The following NELL2 variants were observed in gnomAD, a reference collection of about 807,000 sequenced individuals.
The protein encoded by NELL2 is neural EGFL like 2.
In NELL2, 41 loss-of-function variants were observed where a neutral mutation model predicts 109.6. The observed-to-expected ratio is 0.37, with a 90% CI of 0.29 to 0.49. The LOEUF is 0.49. Ranked by LOEUF, NELL2 falls within the 20% of genes least tolerant of loss-of-function variation. The pLI is 0.98. For missense variants in NELL2, 900 were observed against 1,008.3 expected (o/e 0.89, Z 1.45); for synonymous variants, 355 against 344.7 (o/e 1.03, Z -0.33).
intron 9 of NELL2, among the ~76,000 whole-genome samples, chr12:44,729,188 C>T (rs914554602): frequency 3.9e-5 from 6 of 151,960 alleles, no homozygotes; most frequent in Non-Finnish European, 8.8e-5. Context: ...AATGGACATG[C>T]CACCTAAAAA....
chr12:44,644,349 C>G (rs747388134), intron 13 of NELL2, among the ~76,000 whole-genome samples: 2 of 151,584 alleles, frequency 1.3e-5, no homozygotes, highest in African/African-American at 2.4e-5. Context: ...AAATTCTAGG[C>G]AAGGTAACGA....
chr12:44,550,963 A>G (rs1203556787), intron 15 of NELL2, among the ~76,000 whole-genome samples: 1 of 152,172 alleles, frequency 6.6e-6, no homozygotes, highest in Non-Finnish European at 1.5e-5. Context: ...ATCTACAGCT[A>G]ACAATACTCT....
rs546732965 is a variant in NELL2, at chr12:44,678,313, C to T, written c.1319-12704G>A. 7.2e-5 allele frequency among the ~76,000 whole-genome samples: 11 copies of T among 152,168 alleles called. No individual in the cohort carries two copies. The East Asian group carries it at 2.1e-3, about 29-fold the overall frequency. On this transcript the variant is annotated intron_variant, in intron 12 of 19. Transcript: ENST00000429094. ...GTCCTTAGAAACTAGTGACCTGGTACTACCAAATGGGAGCACTCATGCAAA... is the reference window on the plus strand; with the variant it reads ...GTCCTTAGAAACTAGTGACCTGGTATTACCAAATGGGAGCACTCATGCAAA...
intron 15 of NELL2, among the ~76,000 whole-genome samples, chr12:44,544,700 G>A (rs956874517): frequency 3.0e-4 from 45 of 152,140 alleles, no homozygotes; most frequent in African/African-American, 1.0e-3. Flanking sequence ...TTTTAGAAAT[G>A]TTGAGTATAA....
At chr12:44,814,410 T>C (rs1256411252) in intron 3 of NELL2, among the ~76,000 whole-genome samples, 1 of 152,228 alleles carries the variant, frequency 6.6e-6, no homozygotes, top group African/African-American at 2.4e-5. Flanking sequence ...CTTTATTACA[T>C]GTGACTCTTG....
intron 2 of NELL2, among the ~76,000 whole-genome samples, chr12:44,829,514 A>G (rs1447354504): frequency 6.6e-6 from 1 of 152,186 alleles, no homozygotes; most frequent in East Asian, 1.9e-4. Flanking sequence ...AACCATCATA[A>G]TTTATAGAAT....
At chr12:44,586,303 TAC>T (rs200206949) in intron 15 of NELL2, among the ~76,000 whole-genome samples, 3 of 149,646 alleles carry the variant, frequency 2.0e-5, no homozygotes, top group Non-Finnish European at 3.0e-5. Flanking sequence ...TATAGATATA[TAC>T]ACACACACAT....
intron 16 of NELL2, among the ~76,000 whole-genome samples, chr12:44,530,872 CACCCAGCTAAGCTGTGCACAAA>C (rs1231132661): frequency 4.6e-5 from 7 of 152,186 alleles, no homozygotes; most frequent in Non-Finnish European, 7.3e-5. Context: ...GAACCGGAGC[CACCCAGCTAAGCTGTGCACAAA>C]TCCCTGACCC....
At chr12:44,625,017 T>C (rs1946198725) in intron 13 of NELL2, among the ~76,000 whole-genome samples, 1 of 145,652 alleles carries the variant, frequency 6.9e-6, no homozygotes, top group Non-Finnish European at 1.5e-5. Context: ...TATATATATA[T>C]ATATATATAT....
upstream of NELL2, among the ~76,000 whole-genome samples, chr12:44,915,403 T>G (rs1355340051): frequency 2.0e-5 from 3 of 152,206 alleles, no homozygotes; most frequent in African/African-American, 7.2e-5. Flanking sequence ...CAAGGTTATC[T>G]TCTCTTCTCA....
intron 2 of NELL2, among the ~76,000 whole-genome samples, chr12:44,874,247 TAACAAC>T (rs896897826): frequency 1.3e-5 from 2 of 152,134 alleles, no homozygotes; most frequent in Non-Finnish European, 2.9e-5. Context: ...GGCACCAAAA[TAACAAC>T]AACAACAACA....
At chr12:44,514,121 A>G (rs959949134) in intron 19 of NELL2, among the ~76,000 whole-genome samples, 1 of 151,938 alleles carries the variant, frequency 6.6e-6, no homozygotes, top group Non-Finnish European at 1.5e-5. Flanking sequence ...ATAATAGAAT[A>G]TCACCTTTAA....
intron 2 of NELL2, among the ~76,000 whole-genome samples, chr12:44,854,079 G>A (rs944488715): frequency 1.3e-5 from 2 of 152,132 alleles, no homozygotes; most frequent in African/African-American, 4.8e-5. Context: ...ATTTAAATAA[G>A]TTCTAAAAAT....
Position 44,587,284 on chromosome 12 carries a change from A to AAAAAAAAT in NELL2, c.1663+19884_1663+19885insATTTTTTT. 7.1e-3 allele frequency among the ~76,000 whole-genome samples: 513 copies of AAAAAAAAT among 72,112 alleles called. 14 individuals carry two copies. Among genetic ancestry groups the AAAAAAAAT allele is most frequent in the East Asian group, 0.047 (81 of 1,730 alleles). 47.3% of individuals were successfully genotyped at this position (72,112 alleles called of 152,430 possible). On this transcript the variant is annotated intron_variant, in intron 15 of 19. Coordinates refer to ENST00000429094, the MANE Select transcript of NELL2 (RefSeq NM_001145108.2). ...AAGACTCCGTCTCAAAAAAAAAAAA[A>AAAAAAAAT]ATATATATATATATATATATATATT...
At chr12:44,605,074 G>A (rs1455399758) in intron 15 of NELL2, among the ~76,000 whole-genome samples, 5 of 152,068 alleles carry the variant, frequency 3.3e-5, no homozygotes, top group African/African-American at 1.2e-4. Context: ...GTAGAGGATG[G>A]TAACTGGTGA....
intron 12 of NELL2, among the ~76,000 whole-genome samples, chr12:44,690,332 G>A (rs1948861150): frequency 6.6e-6 from 1 of 152,152 alleles, no homozygotes; most frequent in African/African-American, 2.4e-5. Flanking sequence ...AAATTATTAA[G>A]ATGATAAATT....
chr12:44,548,238 C>A (rs1025162941), intron 15 of NELL2, among the ~76,000 whole-genome samples: 4 of 152,062 alleles, frequency 2.6e-5, no homozygotes, highest in Non-Finnish European at 5.9e-5. Flanking sequence ...TTAATTTAAG[C>A]TATTGTATTT....
intron 9 of NELL2, among the ~76,000 whole-genome samples, chr12:44,743,998 T>C (rs1038617370): frequency 5.3e-4 from 80 of 152,114 alleles, no homozygotes; most frequent in African/African-American, 1.9e-3. Flanking sequence ...AGAATATACA[T>C]TTTTTTCAGC....
chr12:44,878,600 A>G (rs1288575868), upstream of NELL2, among the ~76,000 whole-genome samples: 1 of 152,162 alleles, frequency 6.6e-6, no homozygotes, highest in African/African-American at 2.4e-5. Context: ...TCTTTTGACT[A>G]TATCTCTTTG....
Sources: allele counts gnomAD v4.1 joint callset (sites outside exome capture counted in the v4.1 genomes callset), GRCh38; gene constraint gnomAD v4.1.1; transcripts MANE v1.5; gene names NCBI Gene and HGNC (gene_info 2026-07-23, HGNC 2026-07-21).